The following CBL variants were observed in gnomAD, a reference collection of about 807,000 sequenced individuals.
CBL encodes Cbl proto-oncogene.
In CBL, 45 loss-of-function variants were observed where a neutral mutation model predicts 96.9. The observed-to-expected ratio is 0.46, with a 90% confidence interval of 0.37 to 0.60. CBL has a LOEUF of 0.60. CBL is among the 20% of genes least tolerant of loss of function. The probability of loss-of-function intolerance (pLI) is 0.00; values close to 1 mark genes in which losing one functional copy is unlikely to be tolerated. For missense variants in CBL, 1,024 were observed against 1,143.5 expected (o/e 0.90, Z 1.51); for synonymous variants, 420 against 426.8 (o/e 0.98, Z 0.20).
chr11:119,252,957 A>G (rs574532544), intron 2 of CBL, among the ~76,000 whole-genome samples: 70 of 152,156 alleles, frequency 4.6e-4, no homozygotes, highest in Non-Finnish European at 8.8e-4. Flanking sequence ...TTCCTTGCAG[A>G]TCCTAAATGA....
At chr11:119,230,267 T>C (rs1949491744) in intron 1 of CBL, among the ~76,000 whole-genome samples, 1 of 151,904 alleles carries the variant, frequency 6.6e-6, no homozygotes, top group Non-Finnish European at 1.5e-5. Flanking sequence ...TTCTCCTGCC[T>C]CAGCCTCTCC....
At chr11:119,293,011 T>C (rs1950039464) in intron 12 of CBL, among the ~76,000 whole-genome samples, 1 of 152,214 alleles carries the variant, frequency 6.6e-6, no homozygotes, top group South Asian at 2.1e-4. Flanking sequence ...TTTGCACCAT[T>C]GTAAAGTTGA....
chr11:119,274,027 A>G lies in CBL; in HGVS notation c.747+3A>G, dbSNP rs1592398477. 1.9e-6 allele frequency: 3 copies of G among 1,610,292 alleles called. No individual in the cohort carries two copies. Among genetic ancestry groups the G allele is most frequent in the South Asian group, 2.2e-5 (2 of 91,012 alleles). ...ACATCTTTACCCGACTCTTTCAGGTAGGACACTAAAAAAGTTGACTAAACT... is the reference window on the plus strand; with the variant it reads ...ACATCTTTACCCGACTCTTTCAGGTGGGACACTAAAAAAGTTGACTAAACT... On this transcript the variant is annotated splice_donor_region_variant and intron_variant, in intron 4 of 15. Coordinates refer to ENST00000264033, the MANE Select transcript of CBL (RefSeq NM_005188.4).
At chr11:119,217,244 G>C (rs1949369532) in intron 1 of CBL, among the ~76,000 whole-genome samples, 1 of 152,056 alleles carries the variant, frequency 6.6e-6, no homozygotes, top group African/African-American at 2.4e-5. Context: ...AGCCTCCCGA[G>C]TAGCTGGGGT....
chr11:119,270,436 ATTTTTTTTT>A (rs869150071), intron 2 of CBL, among the ~76,000 whole-genome samples: 8,263 of 36,730 alleles, frequency 0.22, 464 homozygotes, highest in East Asian at 0.5. Flanking sequence ...ATATATATAT[ATTTTTTTTT>A]TTTTTTTTTT....
At chr11:119,254,438 C>T (rs1336092246) in intron 2 of CBL, among the ~76,000 whole-genome samples, 1 of 152,124 alleles carries the variant, frequency 6.6e-6, no homozygotes, top group African/African-American at 2.4e-5. Context: ...TACAGCCGCC[C>T]ACACACCTAG....
chr11:119,275,865 AAAAGAAAG>A, intron 5 of CBL, 124 bp from the exon 6 acceptor site: 1 of 969,800 alleles, frequency 1.0e-6, no homozygotes, highest in South Asian at 1.3e-5. Context: ...CCATCTTAAA[AAAAGAAAG>A]AAAGAAAGGA....
chr11:119,213,270 G>A (rs1346042256), intron 1 of CBL, among the ~76,000 whole-genome samples: 1 of 152,062 alleles, frequency 6.6e-6, no homozygotes, highest in Non-Finnish European at 1.5e-5. Context: ...TTAGTATATA[G>A]CATTTAATTG....
intron 12 of CBL, among the ~76,000 whole-genome samples, chr11:119,294,138 AT>A (rs1259476743): frequency 3.9e-5 from 6 of 152,222 alleles, no homozygotes; most frequent in Non-Finnish European, 7.3e-5. Context: ...TATAATTAAA[AT>A]TTTTAAAAGT....
At chr11:119,258,195 T>C (rs185837390) in intron 2 of CBL, among the ~76,000 whole-genome samples, 3 of 152,084 alleles carry the variant, frequency 2.0e-5, no homozygotes, top group African/African-American at 7.3e-5. Flanking sequence ...ACCATTGCAC[T>C]CCAGCCTGGG....
chr11:119,218,250 C>A (rs1428083872), intron 1 of CBL, among the ~76,000 whole-genome samples: 3 of 152,126 alleles, frequency 2.0e-5, no homozygotes, highest in Non-Finnish European at 4.4e-5. Context: ...ATGTAGAGGG[C>A]TCTGGGAACC....
chr11:119,270,376 G>A (rs1202306482), intron 2 of CBL, among the ~76,000 whole-genome samples: 3 of 132,730 alleles, frequency 2.3e-5, no homozygotes, highest in Non-Finnish European at 3.1e-5. Context: ...CTCCCAAGTA[G>A]CTGAGGTTAC....
intron 9 of CBL, among the ~76,000 whole-genome samples, chr11:119,281,656 G>A (rs1949935258): frequency 6.6e-6 from 1 of 151,826 alleles, no homozygotes; most frequent in Non-Finnish European, 1.5e-5. Flanking sequence ...CACCACGCCT[G>A]GCTAATTTTT....
Position 119,206,470 on chromosome 11 carries a change from G to T in CBL, c.53G>T (p.Gly18Val), listed in dbSNP as rs1453694966. Residue 18 changes from glycine to valine, a missense_variant, in exon 1 of 16, where the codon GGG becomes GTG. By Grantham distance (109) the Gly-to-Val change is moderately radical. This residue lies in a region of CBL where 114 missense variants were observed against 117.4 expected (regional missense o/e 0.97). Coordinates refer to ENST00000264033, the MANE Select transcript of CBL (RefSeq NM_005188.4). ...GGGGCCGGGGGCGGCAGCGGCTCCGGGGGCTCGGGTTCGGGTGGCCTGATT... is the reference window on the plus strand; with the variant it reads ...GGGGCCGGGGGCGGCAGCGGCTCCGTGGGCTCGGGTTCGGGTGGCCTGATT... ...SSGAGGGSGS[G>V]GSGSGGLIGL... is the part of the protein sequence containing the mutation. The T allele has an allele frequency of 6.3e-7, 1 of 1,577,094 alleles. No individual in the cohort carries two copies. Among genetic ancestry groups the T allele is most frequent in the East Asian group, 2.3e-5 (1 of 43,436 alleles).
intron 1 of CBL, among the ~76,000 whole-genome samples, chr11:119,211,866 G>T (rs928315979): frequency 6.6e-6 from 1 of 152,016 alleles, no homozygotes; most frequent in African/African-American, 2.4e-5. Context: ...TGATTAATTT[G>T]CCCACTCCTG....
chr11:119,255,777 C>A (rs903966590), intron 2 of CBL, among the ~76,000 whole-genome samples: 9 of 152,008 alleles, frequency 5.9e-5, no homozygotes, highest in Non-Finnish European at 1.3e-4. Context: ...AATGTTTGTG[C>A]TTATGCACAA....
chr11:119,263,559 A>G (rs764657312), intron 2 of CBL, among the ~76,000 whole-genome samples: 21 of 152,256 alleles, frequency 1.4e-4, no homozygotes, highest in Non-Finnish European at 2.4e-4. Flanking sequence ...ATGTAGTATC[A>G]AATACACTTA....
chr11:119,258,196 C>T (rs547781858), intron 2 of CBL, among the ~76,000 whole-genome samples: 2 of 152,064 alleles, frequency 1.3e-5, no homozygotes, highest in Non-Finnish European at 2.9e-5. Context: ...CCATTGCACT[C>T]CAGCCTGGGC....
At chr11:119,273,606 A>G (rs1437933601) in intron 3 of CBL, among the ~76,000 whole-genome samples, 5 of 152,172 alleles carry the variant, frequency 3.3e-5, no homozygotes, top group East Asian at 1.9e-4. Context: ...TGTAGAGACA[A>G]AGTTTCACCA....
Sources: allele counts gnomAD v4.1 joint callset (sites outside exome capture counted in the v4.1 genomes callset), GRCh38; gene constraint gnomAD v4.1.1; regional missense constraint gnomAD v4.1.1; transcripts MANE v1.5; gene names NCBI Gene and HGNC (gene_info 2026-07-23, HGNC 2026-07-21).